The following PBX3 variants were observed in gnomAD, a reference collection of about 807,000 sequenced individuals.
PBX3 encodes PBX homeobox 3.
In PBX3, 14 loss-of-function variants were observed where a neutral mutation model predicts 48.5. That is an observed-to-expected ratio of 0.29 (90% CI 0.19 to 0.45). The LOEUF is 0.45. Ranked by LOEUF, PBX3 falls within the 20% of genes least tolerant of loss-of-function variation. The pLI, the probability that PBX3 is intolerant of heterozygous loss-of-function variation, is 1.00. For synonymous variants in PBX3, 210 were observed against 200.3 expected (o/e 1.05, Z -0.41); for missense variants, 386 against 546.7 (o/e 0.71, Z 2.93).
Position 125,966,020 on chromosome 9 carries a change from G to T in PBX3, c.*97G>T, listed in dbSNP as rs1174050932. ...GCGTTTTTGTAGCCCACCATCTACA[G>T]CTTTACTGTAAAACCTTGTCTTATT... On this transcript the variant is annotated 3_prime_UTR_variant, in exon 9 of 9. Coordinates refer to ENST00000373489, the MANE Select transcript of PBX3 (RefSeq NM_006195.6). 6 of 773,884 alleles carry T rather than the reference G, an allele frequency of 7.8e-6. No individual in the cohort carries two copies. The East Asian group carries it at 1.3e-4, about 16-fold the overall frequency. 47.9% of individuals were successfully genotyped at this position (773,884 alleles called of 1,614,324 possible).
chr9:125,822,637 T>C (rs909629970), intron 2 of PBX3, among the ~76,000 whole-genome samples: 2 of 152,178 alleles, frequency 1.3e-5, no homozygotes, highest in Non-Finnish European at 2.9e-5. Context: ...AACATTTTTT[T>C]CCACTAGTTT....
At chr9:125,952,991 T>A (rs559059083) in intron 5 of PBX3, among the ~76,000 whole-genome samples, 6,181 of 142,008 alleles carry the variant, frequency 0.044, 451 homozygotes, top group African/African-American at 0.15. Flanking sequence ...TTTACCAAAA[T>A]AAAAAAAAAA....
At chr9:125,927,911 T>A (rs1841614353) in intron 3 of PBX3, among the ~76,000 whole-genome samples, 1 of 152,152 alleles carries the variant, frequency 6.6e-6, no homozygotes, top group African/African-American at 2.4e-5. Flanking sequence ...CCAGGCGCAG[T>A]GGCTCATGCC....
At chr9:125,925,531 G>A (rs1020803207) in intron 3 of PBX3, among the ~76,000 whole-genome samples, 5 of 152,016 alleles carry the variant, frequency 3.3e-5, no homozygotes, top group African/African-American at 7.3e-5. Flanking sequence ...TCAGCTCACT[G>A]CAGCCTCTGC....
intron 2 of PBX3, among the ~76,000 whole-genome samples, chr9:125,826,419 G>A (rs2132175196): frequency 6.6e-6 from 1 of 152,180 alleles, no homozygotes; most frequent in South Asian, 2.1e-4. Context: ...GTCGACTCTA[G>A]CTTGTCTGGA....
At chr9:125,831,718 T>C (rs1231212530) in intron 2 of PBX3, among the ~76,000 whole-genome samples, 1 of 152,228 alleles carries the variant, frequency 6.6e-6, no homozygotes, top group African/African-American at 2.4e-5. Flanking sequence ...TGTGTTTTAA[T>C]CAGTTTCAGA....
At chr9:125,861,195 T>G (rs571966354) in intron 2 of PBX3, among the ~76,000 whole-genome samples, 1 of 151,842 alleles carries the variant, frequency 6.6e-6, no homozygotes, top group East Asian at 1.9e-4. Context: ...CCCGGGAGGT[T>G]GAGGTGGGAG....
At chr9:125,843,130 A>G (rs986699744) in intron 2 of PBX3, among the ~76,000 whole-genome samples, 1 of 152,072 alleles carries the variant, frequency 6.6e-6, no homozygotes, top group African/African-American at 2.4e-5. Flanking sequence ...TCCCTAAAAT[A>G]TCCACAAACC....
chr9:125,848,083 C>T (rs144186042), intron 2 of PBX3, among the ~76,000 whole-genome samples: 5 of 152,052 alleles, frequency 3.3e-5, no homozygotes, highest in African/African-American at 4.8e-5. Context: ...CTTTATCCTG[C>T]GTGACTTACT....
At chr9:125,763,422 G>GAT (rs904791746) in intron 2 of PBX3, among the ~76,000 whole-genome samples, 10 of 152,378 alleles carry the variant, frequency 6.6e-5, no homozygotes, top group African/African-American at 2.4e-4. Flanking sequence ...ATGTGGAGAA[G>GAT]AGTATTTCTA....
At chr9:125,802,925 C>G (rs11794655) in intron 2 of PBX3, among the ~76,000 whole-genome samples, 77,579 of 151,250 alleles carry the variant, frequency 0.51, 21,586 homozygotes, top group South Asian at 0.63. Flanking sequence ...GTGATCTGCC[C>G]GCCTCGGCCT....
intron 2 of PBX3, among the ~76,000 whole-genome samples, chr9:125,833,251 C>G (rs572586301): frequency 6.6e-6 from 1 of 151,964 alleles, no homozygotes; most frequent in Non-Finnish European, 1.5e-5. Flanking sequence ...TTTGGGAGGA[C>G]GAGAGAGGTA....
rs1841673037 is a variant in PBX3, at chr9:125,929,735, T to C, written c.597T>C (p.Ile199=). 1 of 1,613,822 alleles carries C rather than the reference T, an allele frequency of 6.2e-7. No homozygotes were observed. Among genetic ancestry groups the C allele is most frequent in the African/African-American group, 1.3e-5 (1 of 74,992 alleles). ...SRTRPISPKE[I]ERMVGIIHRK... is the part of the protein sequence containing the mutation. ...CACGTCCCATTTCTCCAAAAGAGAT[T>C]GAAAGAATGGTGGGCATCATCCATC... Residue 199 remains isoleucine, a synonymous_variant, in exon 4 of 9, where the codon ATT becomes ATC. Transcript: ENST00000373489.
intron 2 of PBX3, among the ~76,000 whole-genome samples, chr9:125,888,317 C>T (rs1018164575): frequency 2.3e-4 from 35 of 152,052 alleles, no homozygotes; most frequent in Non-Finnish European, 3.2e-4. Context: ...AGTTATTGTA[C>T]CTATATTTAA....
intron 2 of PBX3, among the ~76,000 whole-genome samples, chr9:125,757,858 G>T (rs890170774): frequency 6.6e-6 from 1 of 152,176 alleles, no homozygotes; most frequent in Non-Finnish European, 1.5e-5. Flanking sequence ...ATAACATACA[G>T]TGAAGATATT....
At chr9:125,783,337 G>C (rs1837372518) in intron 2 of PBX3, among the ~76,000 whole-genome samples, 1 of 151,982 alleles carries the variant, frequency 6.6e-6, no homozygotes, top group Non-Finnish European at 1.5e-5. Flanking sequence ...GCCCAGGCTG[G>C]ACTGCAGTGG....
At chr9:125,791,714 T>A (rs930093648) in intron 2 of PBX3, among the ~76,000 whole-genome samples, 1 of 151,984 alleles carries the variant, frequency 6.6e-6, no homozygotes, top group Non-Finnish European at 1.5e-5. Flanking sequence ...GGCGGGAGGA[T>A]CACAAGGTCA....
intron 2 of PBX3, among the ~76,000 whole-genome samples, chr9:125,878,945 AAGTG>A (rs1470237794): frequency 6.6e-5 from 10 of 152,166 alleles, no homozygotes; most frequent in Admixed American, 4.6e-4. Flanking sequence ...ACATCACTAA[AAGTG>A]AGTGATTTTT....
At chr9:125,944,763 G>GT (rs1270061381) in intron 5 of PBX3, among the ~76,000 whole-genome samples, 1 of 152,080 alleles carries the variant, frequency 6.6e-6, no homozygotes, top group Non-Finnish European at 1.5e-5. Flanking sequence ...GTTATTATGT[G>GT]GGGGGTGGGG....
Sources: gnomAD v4.1 joint callset for allele counts (sites outside exome capture counted in the v4.1 genomes callset) on GRCh38, gnomAD v4.1.1 for gene constraint, MANE v1.5 for transcripts, NCBI Gene and HGNC (gene_info 2026-07-23, HGNC 2026-07-21) for gene names.